MRGPRX3: variants seen among roughly 807,000 people sequenced by gnomAD.
MRGPRX3 encodes MAS related GPR family member X3.
MRGPRX3 carries 14 observed loss-of-function variants against 16.5 expected under a neutral mutation model. The ratio of observed to expected loss-of-function variants is 0.85; its 90% CI spans 0.56 to 1.33. MRGPRX3 has a LOEUF of 1.33. Among genes scored for constraint, MRGPRX3 ranks in the 40% most tolerant of loss-of-function variants. The probability of loss-of-function intolerance (pLI) is 0.00; values close to 1 mark genes in which losing one functional copy is unlikely to be tolerated. For missense variants in MRGPRX3, 449 were observed against 413.0 expected, an observed-to-expected ratio of 1.09 and a Z score of -0.76; for synonymous variants, 199 against 180.1, an observed-to-expected ratio of 1.10 and a Z score of -0.84.
chr11:18,129,208 G>A (rs1848935092), upstream of MRGPRX3, among the ~76,000 whole-genome samples: 1 of 152,132 alleles, frequency 6.6e-6, no homozygotes, highest in East Asian at 1.9e-4. Flanking sequence ...AGAACTAATT[G>A]AAACTGAAGC....
chr11:18,137,718 G>A lies in MRGPRX3; in HGVS notation c.516G>A (p.Trp172Ter), dbSNP rs1479447823. The A allele has an allele frequency of 1.1e-5, 17 of 1,613,904 alleles. No individual in the cohort carries two copies. The highest frequency in any genetic ancestry group is 1.4e-5 in the Non-Finnish European group (16 of 1,180,020). ...TGTTTAGTGGTGCTAATTCTGTTTGGTGTGAAACGTCAGATTTCATTACAA... is the reference window on the plus strand; with the variant it reads ...TGTTTAGTGGTGCTAATTCTGTTTGATGTGAAACGTCAGATTTCATTACAA... ...DFLFSGANSV[W>*]CETSDFITIA... Residue 172 changes from tryptophan to a stop codon, truncating the protein, a stop_gained, in exon 2 of 2, where the codon TGG (tryptophan) becomes TGA (stop). Transcript: ENST00000621697. LOFTEE classifies it high-confidence loss of function.
upstream of MRGPRX3, among the ~76,000 whole-genome samples, chr11:18,131,439 A>C (rs559225830): frequency 1.1e-4 from 16 of 152,290 alleles, no homozygotes; most frequent in African/African-American, 3.8e-4. Context: ...AAAATGCTTA[A>C]CATCACTAAT....
chr11:18,137,727 G>A lies in MRGPRX3; in HGVS notation c.525G>A (p.Thr175=), dbSNP rs773710755. 80 of 1,613,926 alleles carry A rather than the reference G, an allele frequency of 5.0e-5. No homozygotes were observed. The highest frequency in any genetic ancestry group is 1.7e-4 in the African/African-American group (13 of 74,874). ...GTGCTAATTCTGTTTGGTGTGAAACGTCAGATTTCATTACAATCGCGTGGC... is the reference window on the plus strand; with the variant it reads ...GTGCTAATTCTGTTTGGTGTGAAACATCAGATTTCATTACAATCGCGTGGC... ...FSGANSVWCE[T]SDFITIAWLV... The change falls in exon 2 of 2, where the codon ACG becomes ACA. Residue 175 remains threonine, a synonymous_variant. Transcript: ENST00000621697.
At chr11:18,137,078 T>C (rs1849013430) in intron 1 of MRGPRX3, 100 bp from the exon 2 acceptor site, 2 of 1,244,380 alleles carry the variant, frequency 1.6e-6, no homozygotes, top group Non-Finnish European at 2.2e-6. Context: ...GAGTCTCTGA[T>C]CTCTCCTCTT....
chr11:18,137,498 G>C lies in MRGPRX3; in HGVS notation c.296G>C (p.Ser99Thr). 1 of 1,614,060 alleles carries C rather than the reference G, an allele frequency of 6.2e-7. No individual in the cohort carries two copies. Among genetic ancestry groups the C allele is most frequent in the Non-Finnish European group, 8.5e-7 (1 of 1,180,012 alleles). Reference protein sequence around the residue: ...NIRHPISKILSPVMTFPYFIG... With the variant: ...NIRHPISKILTPVMTFPYFIG... ...CGCCATCCCATCTCCAAAATCCTCA[G>C]TCCTGTGATGACCTTTCCCTACTTT... The change falls in exon 2 of 2, where the codon AGT becomes ACT. Residue 99 changes from serine to threonine, a missense_variant. Ser to Thr is a moderately conservative substitution (Grantham distance 58). Transcript: ENST00000621697.
At chr11:18,132,299 A>G (rs564658622), upstream of MRGPRX3, among the ~76,000 whole-genome samples, 3 of 152,216 alleles carry the variant, frequency 2.0e-5, no homozygotes, top group Non-Finnish European at 4.4e-5. Context: ...TCAGCCTTGA[A>G]TGGTCCCATG....
intron 1 of MRGPRX3, among the ~76,000 whole-genome samples, chr11:18,125,057 C>G (rs1409193743): frequency 6.9e-6 from 1 of 144,118 alleles, no homozygotes; most frequent in Non-Finnish European, 1.5e-5. Context: ...TTTTTTATTG[C>G]ATCTATTTGA....
chr11:18,137,582 C>G lies in MRGPRX3; in HGVS notation c.380C>G (p.Pro127Arg). The change falls in exon 2 of 2, where the codon CCC becomes CGC. Residue 127 changes from proline (P) to arginine (R), a missense_variant. Transcript: ENST00000621697. ...GAGCGCTGCCTGTCCATCCTGTGGC[C>G]CATCTGGTACCACTGCCGCCGCCCC... ...STERCLSILW[P>R]IWYHCRRPRY... 1 of 1,614,170 alleles carries G rather than the reference C, an allele frequency of 6.2e-7. No individual in the cohort carries two copies. The highest frequency in any genetic ancestry group is 8.5e-7 in the Non-Finnish European group (1 of 1,180,044).
At chr11:18,126,659 C>T (rs1398591442) in intron 1 of MRGPRX3, among the ~76,000 whole-genome samples, 5 of 152,030 alleles carry the variant, frequency 3.3e-5, no homozygotes, top group Admixed American at 2.0e-4. Flanking sequence ...ACCCCACAAC[C>T]GTTCCCAGTG....
chr11:18,126,994 T>C (rs1257474542), intron 1 of MRGPRX3, among the ~76,000 whole-genome samples: 2 of 152,236 alleles, frequency 1.3e-5, no homozygotes, highest in Non-Finnish European at 2.9e-5. Flanking sequence ...TATAATCCTT[T>C]GGGAATATAC....
In MRGPRX3 at chr11:18,137,686, G is replaced by T. The variant is rs537688636; in HGVS notation, c.484G>T (p.Asp162Tyr). Reference sequence around the variant, plus strand: ...GAGTATCCTGGAGTGGATGTTCTGTGACTTCCTGTTTAGTGGTGCTAATTC... The same window carrying T: ...GAGTATCCTGGAGTGGATGTTCTGTTACTTCCTGTTTAGTGGTGCTAATTC... The part of the protein sequence containing the change: ...LRSILEWMFC[D>Y]FLFSGANSVW... The change falls in exon 2 of 2, where the codon GAC (aspartate) becomes TAC (tyrosine). Residue 162 changes from aspartate (D) to tyrosine (Y), a missense_variant. Transcript: ENST00000621697. The T allele has an allele frequency of 6.2e-7, 1 of 1,614,092 alleles. No homozygotes were observed. Among genetic ancestry groups the T allele is most frequent in the Non-Finnish European group, 8.5e-7 (1 of 1,180,016 alleles).
In MRGPRX3 at chr11:18,138,099, T is replaced by C. The variant is rs536917243; in HGVS notation, c.897T>C (p.Pro299=). The change falls in exon 2 of 2, where the codon CCT becomes CCC. Residue 299 remains proline, a synonymous_variant. Transcript: ENST00000621697. ...TCCAGAGGGCTCTGCAGGACACGCCTGAGGTGGATGAAGGTGGAGGGTGGC... is the reference window on the plus strand; with the variant it reads ...TCCAGAGGGCTCTGCAGGACACGCCCGAGGTGGATGAAGGTGGAGGGTGGC... ...LVLQRALQDT[P]EVDEGGGWLP... is the part of the protein sequence containing the mutation. 1.2e-6 allele frequency: 2 copies of C among 1,614,194 alleles called. No individual in the cohort carries two copies. Among genetic ancestry groups the C allele is most frequent in the East Asian group, 2.2e-5 (1 of 44,884 alleles).
At chr11:18,135,459 C>G (rs1361319494) in intron 1 of MRGPRX3, among the ~76,000 whole-genome samples, 2 of 152,162 alleles carry the variant, frequency 1.3e-5, no homozygotes, top group Non-Finnish European at 2.9e-5. Flanking sequence ...TGCACTCACT[C>G]CTGATGCTCC....
rs772070857 is a variant in MRGPRX3, at chr11:18,132,706, G to A, written c.-59G>A. On this transcript the variant is annotated 5_prime_UTR_variant, in exon 1 of 2. Transcript: ENST00000621697. ...GCTCTCTACCTTTAGCACAAGGGAG[G>A]TCTTCACCACTGGACAAAGAAGGAA... 1 of 152,218 alleles carries A rather than the reference G, an allele frequency of 6.6e-6. No individual in the cohort carries two copies. The highest frequency in any genetic ancestry group is 2.4e-5 in the African/African-American group (1 of 41,440). 9.4% of individuals were successfully genotyped at this position (152,218 alleles called of 1,614,324 possible).
upstream of MRGPRX3, among the ~76,000 whole-genome samples, chr11:18,130,696 CAA>C (rs3072496): frequency 1.1e-4 from 14 of 133,204 alleles, no homozygotes; most frequent in South Asian, 2.4e-4. Flanking sequence ...GAACAACAAC[CAA>C]AAAAAAAAAA....
chr11:18,133,301 T>C (rs1848980114), intron 1 of MRGPRX3, among the ~76,000 whole-genome samples: 1 of 152,168 alleles, frequency 6.6e-6, no homozygotes, highest in Admixed American at 6.5e-5. Flanking sequence ...ATTGTCACTA[T>C]AGCCATAGCT....
chr11:18,134,213 A>G (rs1198849741), intron 1 of MRGPRX3, among the ~76,000 whole-genome samples: 1 of 152,248 alleles, frequency 6.6e-6, no homozygotes, highest in Non-Finnish European at 1.5e-5. Context: ...TGTTTAGAAT[A>G]TAAGTTTGGC....
exon 1 of MRGPRX3, chr11:18,121,151 A>AC (rs1564878343): frequency 1.5e-5 from 2 of 133,660 alleles, no homozygotes; most frequent in Non-Finnish European, 1.6e-5. Flanking sequence ...CCCGGTCGCG[A>AC]CCCCGTCTGG....
At chr11:18,125,572 C>G (rs997545611) in intron 1 of MRGPRX3, among the ~76,000 whole-genome samples, 1 of 143,010 alleles carries the variant, frequency 7.0e-6, no homozygotes, top group African/African-American at 2.8e-5. Flanking sequence ...CGTGATTTCT[C>G]TCTTTTACTT....
Sources: allele counts gnomAD v4.1 joint callset (sites outside exome capture counted in the v4.1 genomes callset), GRCh38; gene constraint gnomAD v4.1.1; transcripts MANE v1.5; gene names NCBI Gene and HGNC (gene_info 2026-07-23, HGNC 2026-07-21).